LARP1: variants seen among roughly 807,000 people sequenced by gnomAD.
LARP1 encodes the protein la-related protein 1.
A neutral mutation model predicts 122.7 loss-of-function variants in LARP1; 36 were observed. That is an observed-to-expected ratio of 0.29 (90% CI 0.22 to 0.39). The LOEUF (loss-of-function observed/expected upper bound fraction) is 0.39, where lower values mean the gene tolerates loss of function less well. LARP1 is among the 10% of genes least tolerant of loss of function. The pLI, the probability that LARP1 is intolerant of heterozygous loss-of-function variation, is 1.00. For missense variants in LARP1, 1,040 were observed against 1,403.6 expected (o/e 0.74, Z 4.14); for synonymous variants, 539 against 528.7 (o/e 1.02, Z -0.27).
intron 1 of LARP1, among the ~76,000 whole-genome samples, chr5:154,707,637 T>TG (rs904916336): frequency 2.0e-5 from 3 of 151,946 alleles, no homozygotes; most frequent in Admixed American, 6.6e-5. Flanking sequence ...ACAGCTGGGG[T>TG]GGGGGGGCAT....
At chr5:154,738,861 A>C (rs1757060813) in intron 1 of LARP1, among the ~76,000 whole-genome samples, 1 of 152,146 alleles carries the variant, frequency 6.6e-6, no homozygotes, top group Admixed American at 6.5e-5. Flanking sequence ...GGTCAAGGAT[A>C]CAATAAGCTA....
chr5:154,799,606 A>T lies in LARP1; in HGVS notation c.1393A>T (p.Lys465Ter). 1 of 1,614,170 alleles carries T rather than the reference A, an allele frequency of 6.2e-7. No individual in the cohort carries two copies. Among genetic ancestry groups the T allele is most frequent in the African/African-American group, 1.3e-5 (1 of 75,056 alleles). ...SLIFAALKDS[K>*]VVEIVDEKVR... is the part of the protein sequence containing the mutation. ...TCCCCTTCAGGCCCTAAAGGACAGC[A>T]AGGTGGTGGAGATCGTTGATGAGAA... The change falls in exon 9 of 19, where the codon AAG becomes TAG. Residue 465 changes from lysine to a stop codon, truncating the protein, a stop_gained. Coordinates refer to ENST00000518297, the MANE Select transcript of LARP1 (RefSeq NM_033551.3). LOFTEE classifies it high-confidence loss of function.
In LARP1 at chr5:154,746,905, T is replaced by C. The variant is rs369403592; in HGVS notation, c.205+33775T>C. 5.9e-5 allele frequency among the ~76,000 whole-genome samples: 9 copies of C among 152,112 alleles called. No homozygotes were observed. In the East Asian group the frequency reaches 9.7e-4, roughly 16 times the overall value. Reference sequence around the variant, plus strand: ...ATCCCAGCACTTTGGGAAGCTGTGGTGGGCAGACCACTTGAGGTCAGGAGG... The same window carrying C: ...ATCCCAGCACTTTGGGAAGCTGTGGCGGGCAGACCACTTGAGGTCAGGAGG... On this transcript the variant is annotated intron_variant, in intron 1 of 18. Transcript: ENST00000336314.
At chr5:154,744,924 A>G (rs1753104911) in intron 1 of LARP1, among the ~76,000 whole-genome samples, 1 of 138,400 alleles carries the variant, frequency 7.2e-6, no homozygotes, top group African/African-American at 2.8e-5. Flanking sequence ...GGCGTGAGCC[A>G]CCGCGCCCGG....
intron 1 of LARP1, among the ~76,000 whole-genome samples, chr5:154,705,366 T>TTTTA (rs548207118): frequency 1.5e-4 from 23 of 151,972 alleles, no homozygotes; most frequent in African/African-American, 2.2e-4. Context: ...TCCTTGTTCT[T>TTTTA]TTTATTTATT....
chr5:154,774,453 G>A (rs1755700305), intron 1 of LARP1, among the ~76,000 whole-genome samples: 1 of 152,188 alleles, frequency 6.6e-6, no homozygotes, highest in African/African-American at 2.4e-5. Flanking sequence ...AAATTCCCTC[G>A]AGGTAGGATA....
upstream of LARP1, among the ~76,000 whole-genome samples, chr5:154,708,341 G>C (rs185449803): frequency 2.6e-5 from 4 of 152,276 alleles, no homozygotes; most frequent in East Asian, 7.7e-4. Context: ...TGAGTTCATT[G>C]AGCAGGTTGA....
At chr5:154,791,648 G>A (rs1349517065) in intron 3 of LARP1, among the ~76,000 whole-genome samples, 1 of 152,224 alleles carries the variant, frequency 6.6e-6, no homozygotes, top group Non-Finnish European at 1.5e-5. Context: ...GGCGGGGCTG[G>A]TGGCAGGTGT....
intron 1 of LARP1, among the ~76,000 whole-genome samples, chr5:154,748,243 G>A (rs1472718678): frequency 6.6e-6 from 1 of 152,190 alleles, no homozygotes; most frequent in Non-Finnish European, 1.5e-5. Context: ...CTTTGACAGT[G>A]TTGCTCTGGT....
intron 1 of LARP1, chr5:154,685,878 G>T (rs1006082910): frequency 1.2e-5 from 6 of 507,496 alleles, no homozygotes; most frequent in African/African-American, 2.0e-5. Flanking sequence ...CATGTAAACT[G>T]TACAGCCCTA....
rs1759664306 is a variant in LARP1, at chr5:154,816,298, G to C, written c.*2202G>C. ...TCTTTCCTTCAGGTCACGCAGCCCT[G>C]TACTGTATCCAGCACCACAGAAACC... On this transcript the variant is annotated 3_prime_UTR_variant, in exon 19 of 19. Coordinates refer to ENST00000518297, the MANE Select transcript of LARP1 (RefSeq NM_033551.3). The C allele has an allele frequency of 6.5e-6, 1 of 153,184 alleles. No individual in the cohort carries two copies. Among genetic ancestry groups the C allele is most frequent in the Admixed American group, 6.5e-5 (1 of 15,286 alleles). 9.5% of individuals were successfully genotyped at this position (153,184 alleles called of 1,614,324 possible). A position where few individuals can be genotyped will look rare whatever the true frequency, so the allele number is the denominator to read the frequency against.
At position 154,815,134 on chromosome 5, in the gene LARP1, A is replaced by G. The variant is rs1205807265; in HGVS notation, c.*1038A>G. ...TGGACTGGCTAGAATCTTTCTCTGG[A>G]CTGTTGCATGTACAGTGCCTCCATC... is the stretch of plus-strand genomic sequence containing the variant. On this transcript the variant is annotated 3_prime_UTR_variant, in exon 19 of 19. Transcript: ENST00000518297. 5 of 152,330 alleles carry G rather than the reference A, an allele frequency of 3.3e-5. No homozygotes were observed. The highest frequency in any genetic ancestry group is 4.8e-5 in the African/African-American group (2 of 41,352). The allele number at this position is 152,330 out of a possible 1,614,324, so 9.4% of individuals were successfully genotyped here.
chr5:154,738,389 C>A (rs145300453), intron 1 of LARP1, among the ~76,000 whole-genome samples: 2 of 152,072 alleles, frequency 1.3e-5, no homozygotes, highest in Non-Finnish European at 2.9e-5. Context: ...GTCAGGAGTT[C>A]GAGACCAGCC....
intron 14 of LARP1, 32 bp downstream of exon 14, chr5:154,804,339 G>T (rs777430109): frequency 6.6e-7 from 1 of 1,515,136 alleles, no homozygotes; most frequent in Non-Finnish European, 9.2e-7. Flanking sequence ...GAGTGATCAG[G>T]CTGCCTATGG....
chr5:154,689,268 A>G (rs1754081668), intron 1 of LARP1, among the ~76,000 whole-genome samples: 2 of 152,170 alleles, frequency 1.3e-5, no homozygotes, highest in African/African-American at 4.8e-5. Flanking sequence ...CCTGGCCAAT[A>G]TAGTGAAACC....
chr5:154,722,103 C>G (rs1755909013), intron 1 of LARP1, among the ~76,000 whole-genome samples: 1 of 152,216 alleles, frequency 6.6e-6, no homozygotes, highest in African/African-American at 2.4e-5. Context: ...AAAACACGTT[C>G]TGACCACGTC....
chr5:154,770,895 C>A (rs1027769739), intron 1 of LARP1, among the ~76,000 whole-genome samples: 5 of 151,978 alleles, frequency 3.3e-5, no homozygotes, highest in African/African-American at 1.2e-4. Flanking sequence ...GGTGGATCAC[C>A]TGAGGTGAGG....
intron 8 of LARP1, among the ~76,000 whole-genome samples, chr5:154,796,196 A>ATATATTATATATATATTTTATATATT (rs1757838933): frequency 8.2e-6 from 1 of 121,736 alleles, no homozygotes; most frequent in African/African-American, 3.8e-5. Context: ...TTTTATATAT[A>ATATATTATATATATATTTTATATATT]TATATAGTTT....
At chr5:154,776,767 G>A (rs1270627224) in intron 1 of LARP1, among the ~76,000 whole-genome samples, 1 of 152,220 alleles carries the variant, frequency 6.6e-6, no homozygotes, top group African/African-American at 2.4e-5. Flanking sequence ...TTGCAAGCCT[G>A]CTAGCTCACT....
Sources: gnomAD v4.1 joint callset for allele counts (sites outside exome capture counted in the v4.1 genomes callset) on GRCh38, gnomAD v4.1.1 for gene constraint, MANE v1.5 for transcripts, NCBI Gene and HGNC (gene_info 2026-07-23, HGNC 2026-07-21) for gene names.